Variants in ATP8A1 observed in about 807,000 individuals in gnomAD.
ATP8A1 encodes the protein ATPase phospholipid transporting 8A1, also known as phospholipid-transporting ATPase IA.
ATP8A1 carries 90 observed loss-of-function variants against 177.7 expected under a neutral mutation model. The ratio of observed to expected loss-of-function variants is 0.51; its 90% CI spans 0.43 to 0.60. The LOEUF is 0.60. ATP8A1 is among the 20% of genes least tolerant of loss of function. The probability of loss-of-function intolerance (pLI) is 0.00; values close to 1 mark genes in which losing one functional copy is unlikely to be tolerated. For synonymous variants in ATP8A1, 493 were observed against 485.9 expected (o/e 1.01, Z -0.19); for missense variants, 1,072 against 1,392.8 (o/e 0.77, Z 3.67).
intron 15 of ATP8A1, among the ~76,000 whole-genome samples, chr4:42,565,997 AACCAGGTTAATCTGCAGTAGGTAGC>A (rs1473563787): frequency 3.9e-5 from 6 of 152,164 alleles, no homozygotes; most frequent in Non-Finnish European, 8.8e-5. Flanking sequence ...ATGATGAGAA[AACCAGGTTAATCTGCAGTAGGTAGC>A]TACTGGTTGG....
intron 24 of ATP8A1, among the ~76,000 whole-genome samples, chr4:42,486,945 A>G (rs1268197947): frequency 1.3e-5 from 2 of 152,176 alleles, no homozygotes; most frequent in Non-Finnish European, 2.9e-5. Context: ...GCCTAATGTC[A>G]TGTTTCTCAG....
chr4:42,546,039 C>T (rs980315099), intron 19 of ATP8A1, among the ~76,000 whole-genome samples: 4 of 152,010 alleles, frequency 2.6e-5, no homozygotes, highest in Admixed American at 2.6e-4. Context: ...ATGTGTGCAC[C>T]ATCTCCTCCA....
At chr4:42,649,183 A>G (rs1740841981) in intron 1 of ATP8A1, among the ~76,000 whole-genome samples, 1 of 152,188 alleles carries the variant, frequency 6.6e-6, no homozygotes, top group Non-Finnish European at 1.5e-5. Context: ...TACTAACATA[A>G]AAATGCTAAG....
rs527543610 is a variant in ATP8A1, at chr4:42,616,192, T to C, written c.364-114A>G. On this transcript the variant is annotated intron_variant, in intron 4 of 36. Transcript: ENST00000381668. ...TATGTTTCTCAAGGTTTTTATCATT[T>C]CTCATTCATGTCAATGTTAAAGTAT... The C allele has an allele frequency of 8.0e-6, 7 of 875,756 alleles. No homozygotes were observed. In the Admixed American group the frequency reaches 1.7e-4, roughly 22 times the overall value. 54.2% of individuals were successfully genotyped at this position (875,756 alleles called of 1,614,324 possible).
At chr4:42,426,278 G>A (rs114237677) in intron 33 of ATP8A1, among the ~76,000 whole-genome samples, 1,542 of 152,292 alleles carry the variant, frequency 0.01, 22 homozygotes, top group African/African-American at 0.035. Flanking sequence ...TCTCATAGGA[G>A]AGAGAATTCA....
intron 5 of ATP8A1, among the ~76,000 whole-genome samples, chr4:42,601,576 AAG>A (rs1159292560): frequency 6.8e-6 from 1 of 148,054 alleles, no homozygotes; most frequent in Non-Finnish European, 1.5e-5. Flanking sequence ...AAAACAGGAT[AAG>A]AGAGTATGTG....
At chr4:42,459,937 G>A (rs566268171) in intron 27 of ATP8A1, among the ~76,000 whole-genome samples, 10 of 151,812 alleles carry the variant, frequency 6.6e-5, no homozygotes, top group South Asian at 4.2e-4. Flanking sequence ...GACTACAGGC[G>A]CCTGCCACCA....
At chr4:42,534,500 A>G (rs1213002966) in intron 20 of ATP8A1, among the ~76,000 whole-genome samples, 1 of 152,206 alleles carries the variant, frequency 6.6e-6, no homozygotes, top group Admixed American at 6.5e-5. Context: ...AAAGCCTCCA[A>G]CAAGTTTGGG....
chr4:42,510,652 C>T lies in ATP8A1; in HGVS notation c.1948-3498G>A, dbSNP rs148768100. On this transcript the variant is annotated intron_variant, in intron 22 of 36. Transcript: ENST00000381668. The stretch of plus-strand genomic sequence containing the variant: ...ACTAGATAATGTGGGAGCCAAGATA[C>T]GAACACATTCATTAGAAACATATAA... Among the ~76,000 whole-genome samples, 600 of 152,000 alleles carry T rather than the reference C, an allele frequency of 3.9e-3. 3 individuals are homozygous for T. Among genetic ancestry groups the T allele is most frequent in the Non-Finnish European group, 7.3e-3 (498 of 67,976 alleles).
chr4:42,651,313 A>G (rs1741071964), intron 1 of ATP8A1, among the ~76,000 whole-genome samples: 1 of 152,156 alleles, frequency 6.6e-6, no homozygotes, highest in Non-Finnish European at 1.5e-5. Flanking sequence ...AGATACTGAA[A>G]ATGTGGAAAT....
rs149350939 is a variant in ATP8A1, at chr4:42,542,428, T to C, written c.1722+1489A>G. ...TTAAAGTGGAAGGTCTTAAAGGCTC[T>C]CTTTTTTAAAAAAAATTATTTATTT... On this transcript the variant is annotated intron_variant, in intron 20 of 36. Transcript: ENST00000381668. 4.3e-3 allele frequency among the ~76,000 whole-genome samples: 652 copies of C among 152,228 alleles called. 5 individuals are homozygous for C. Among genetic ancestry groups the C allele is most frequent in the Non-Finnish European group, 6.8e-3 (462 of 68,016 alleles).
intron 25 of ATP8A1, among the ~76,000 whole-genome samples, chr4:42,467,339 T>G (rs987511602): frequency 6.6e-6 from 1 of 152,148 alleles, no homozygotes; most frequent in Non-Finnish European, 1.5e-5. Context: ...GTGAGAGACA[T>G]TTCAAAAGCA....
intron 1 of ATP8A1, among the ~76,000 whole-genome samples, chr4:42,635,810 T>TATATATATATATATATATATATAC (rs1305090729): frequency 9.6e-5 from 10 of 103,888 alleles, no homozygotes; most frequent in African/African-American, 3.1e-4. Context: ...TATATATATA[T>TATATATATATATATATATATATAC]ACACATGTAT....
At chr4:42,425,641 C>T (rs1311076535) in intron 33 of ATP8A1, among the ~76,000 whole-genome samples, 1 of 151,666 alleles carries the variant, frequency 6.6e-6, no homozygotes, top group African/African-American at 2.4e-5. Context: ...CTGAAGAAAC[C>T]AGTTTTGTCT....
intron 35 of ATP8A1, among the ~76,000 whole-genome samples, chr4:42,420,183 T>C (rs1224534240): frequency 1.3e-5 from 2 of 152,220 alleles, no homozygotes; most frequent in African/African-American, 4.8e-5. Flanking sequence ...ATTTTTCTCC[T>C]TTCACAGATC....
intron 23 of ATP8A1, among the ~76,000 whole-genome samples, chr4:42,504,073 G>GTCTAAAGAGGCAAC (rs1474715657): frequency 4.6e-5 from 7 of 152,170 alleles, no homozygotes; most frequent in African/African-American, 1.7e-4. Flanking sequence ...AGCCGACTGT[G>GTCTAAAGAGGCAAC]TCTAAAGAGG....
Position 42,482,693 on chromosome 4 carries a change from T to C in ATP8A1, c.2324+2803A>G, listed in dbSNP as rs547630666. Reference sequence around the variant, plus strand: ...CTCATTCTGCCCTGTATGCTGATAGTATCTGGGAAGAAAGTGGCTGATGCA... The same window carrying C: ...CTCATTCTGCCCTGTATGCTGATAGCATCTGGGAAGAAAGTGGCTGATGCA... On this transcript the variant is annotated intron_variant, in intron 25 of 36. Coordinates refer to ENST00000381668, the MANE Select transcript of ATP8A1 (RefSeq NM_006095.2). 4.6e-5 allele frequency among the ~76,000 whole-genome samples: 7 copies of C among 152,318 alleles called. No individual in the cohort carries two copies. In the South Asian group the frequency reaches 1.4e-3, roughly 32 times the overall value.
rs748660614 is a variant in ATP8A1, at chr4:42,423,714, A to G, written c.3124-9T>C. 2.2e-5 allele frequency: 36 copies of G among 1,603,902 alleles called. No individual in the cohort carries two copies. The Middle Eastern group carries it at 3.5e-3, about 154-fold the overall frequency. Reference sequence around the variant, plus strand: ...CTGAACAACATGGCTGCCTGTGTAAATCGTCAGAAAAAACATTACTTTAAA... The same window carrying G: ...CTGAACAACATGGCTGCCTGTGTAAGTCGTCAGAAAAAACATTACTTTAAA... On this transcript the variant is annotated splice_polypyrimidine_tract_variant and intron_variant, in intron 33 of 36. Transcript: ENST00000381668.
intron 16 of ATP8A1, among the ~76,000 whole-genome samples, chr4:42,553,270 T>C (rs1729693380): frequency 6.6e-6 from 1 of 152,238 alleles, no homozygotes; most frequent in African/African-American, 2.4e-5. Flanking sequence ...ATTTACCTAG[T>C]TGTAATTCCT....
Sources: gnomAD v4.1 joint callset for allele counts (sites outside exome capture counted in the v4.1 genomes callset) on GRCh38, gnomAD v4.1.1 for gene constraint, MANE v1.5 for transcripts, NCBI Gene and HGNC (gene_info 2026-07-23, HGNC 2026-07-21) for gene names.